Variants in LRP5 observed in about 807,000 individuals in gnomAD.
The protein encoded by LRP5 is low-density lipoprotein receptor-related protein 5.
LRP5 carries 62 observed loss-of-function variants against 154.1 expected under a neutral mutation model. That is an observed-to-expected ratio of 0.40 (90% CI 0.33 to 0.50). The LOEUF (loss-of-function observed/expected upper bound fraction) is 0.50, where lower values mean the gene tolerates loss of function less well. LRP5 is among the 20% of genes least tolerant of loss of function. The pLI, the probability that LRP5 is intolerant of heterozygous loss-of-function variation, is 0.55. For missense variants in LRP5, 1,915 were observed against 2,336.7 expected (o/e 0.82, Z 3.72); for synonymous variants, 966 against 1,011.5 (o/e 0.96, Z 0.85).
intron 12 of LRP5, among the ~76,000 whole-genome samples, chr11:68,415,407 C>T (rs2098661994): frequency 2.0e-5 from 3 of 152,174 alleles, no homozygotes; most frequent in African/African-American, 7.2e-5. Flanking sequence ...CACCAGTGTT[C>T]ACTACCATTA....
upstream of LRP5, among the ~76,000 whole-genome samples, chr11:68,312,321 G>T (rs1487941133): frequency 6.6e-6 from 1 of 151,960 alleles, no homozygotes; most frequent in Non-Finnish European, 1.5e-5. Flanking sequence ...AGGCTCCACA[G>T]GTGACACACC....
At chr11:68,390,813 T>C (rs1309275561) in intron 7 of LRP5, among the ~76,000 whole-genome samples, 3 of 136,980 alleles carry the variant, frequency 2.2e-5, no homozygotes, top group Non-Finnish European at 4.7e-5. Flanking sequence ...CCTGCCGCTG[T>C]GGTCGGGTTT....
chr11:68,419,094 T>C (rs1279542652), intron 13 of LRP5, among the ~76,000 whole-genome samples: 2 of 152,230 alleles, frequency 1.3e-5, no homozygotes, highest in Non-Finnish European at 1.5e-5. Flanking sequence ...GCTTTGATTC[T>C]TTATTAGGAG....
chr11:68,377,535 C>T (rs888482095), intron 5 of LRP5, among the ~76,000 whole-genome samples: 3 of 152,218 alleles, frequency 2.0e-5, no homozygotes, highest in Admixed American at 1.3e-4. Context: ...GGGTCAAATG[C>T]TGCGGTTGCG....
At chr11:68,349,330 G>A (rs1157619126) in intron 2 of LRP5, among the ~76,000 whole-genome samples, 3 of 151,998 alleles carry the variant, frequency 2.0e-5, no homozygotes, top group African/African-American at 7.3e-5. Context: ...ACCGTGCCTG[G>A]CCCATAGTTA....
Position 68,448,823 on chromosome 11 carries a change from G to A in LRP5, c.4601G>A (p.Arg1534Gln), listed in dbSNP as rs372941344. 21 of 1,606,956 alleles carry A rather than the reference G, an allele frequency of 1.3e-5. No homozygotes were observed. Among genetic ancestry groups the A allele is most frequent in the South Asian group, 3.3e-5 (3 of 91,068 alleles). ...TARPYRPYIIRGMAPPTTPCS... is the reference protein window; with the variant it reads ...TARPYRPYIIQGMAPPTTPCS... ...GTCCCTTTCAGGCCCTACATCATTCGAGGAATGGCGCCCCCGACGACGCCC... is the reference window on the plus strand; with the variant it reads ...GTCCCTTTCAGGCCCTACATCATTCAAGGAATGGCGCCCCCGACGACGCCC... The change falls in exon 23 of 23, where the codon CGA (arginine) becomes CAA (glutamine). Residue 1534 changes from arginine to glutamine, a missense_variant. Arg to Gln is a conservative substitution (Grantham distance 43). Transcript: ENST00000294304.
At chr11:68,427,871 A>G (rs2098669634) in intron 16 of LRP5, among the ~76,000 whole-genome samples, 1 of 152,086 alleles carries the variant, frequency 6.6e-6, no homozygotes, top group Non-Finnish European at 1.5e-5. Flanking sequence ...TCTTCTTCTC[A>G]TTGTCCGGGT....
At chr11:68,367,279 G>A (rs2098631622) in intron 5 of LRP5, among the ~76,000 whole-genome samples, 1 of 152,220 alleles carries the variant, frequency 6.6e-6, no homozygotes, top group Admixed American at 6.5e-5. Context: ...GACCAGGTTG[G>A]ATGAGCCCTT....
At chr11:68,309,100 A>AT (rs2098585995), upstream of LRP5, among the ~76,000 whole-genome samples, 1 of 151,296 alleles carries the variant, frequency 6.6e-6, no homozygotes, top group Non-Finnish European at 1.5e-5. Context: ...CGCCCGGCTA[A>AT]TTTTTTGTAT....
chr11:68,430,174 T>C (rs2098671117), intron 17 of LRP5, among the ~76,000 whole-genome samples: 1 of 152,156 alleles, frequency 6.6e-6, no homozygotes, highest in Non-Finnish European at 1.5e-5. Context: ...TTTGTTTTGC[T>C]TCGTTTGTTT....
At chr11:68,351,311 G>A (rs1222300983) in intron 2 of LRP5, among the ~76,000 whole-genome samples, 4 of 152,076 alleles carry the variant, frequency 2.6e-5, no homozygotes, top group Non-Finnish European at 5.9e-5. Context: ...CGGGGAGCCA[G>A]CTGACCTCCG....
chr11:68,335,556 C>G lies in LRP5; in HGVS notation c.92-12291C>G, dbSNP rs372124444. ...TAAAGCCTGGGTGACAGAGTGAGAC[C>G]CTGTCTCTAAAAAGCACCTTATTTA... On this transcript the variant is annotated intron_variant, in intron 1 of 22. Transcript: ENST00000294304. 6.2e-4 allele frequency among the ~76,000 whole-genome samples: 95 copies of G among 152,008 alleles called. 2 individuals carry two copies. In the South Asian group the frequency reaches 0.016, roughly 26 times the overall value.
chr11:68,321,709 CA>C (rs2098596875), intron 1 of LRP5, among the ~76,000 whole-genome samples: 3 of 152,320 alleles, frequency 2.0e-5, no homozygotes, highest in African/African-American at 7.2e-5. Flanking sequence ...AGCCCGATGG[CA>C]AATATAATTA....
chr11:68,438,724 G>C (rs1156671645), intron 20 of LRP5, 42 bp downstream of exon 20: 1 of 1,581,892 alleles, frequency 6.3e-7, no homozygotes, highest in African/African-American at 1.3e-5. Flanking sequence ...GGAGGCAGGA[G>C]AGTAGTCTGG....
rs143088459 is a variant in LRP5 at position 68,314,294 on chromosome 11, G to A, written c.91+1489G>A. Among the ~76,000 whole-genome samples the A allele has an allele frequency of 7.2e-3, 1,091 of 152,218 alleles. 15 individuals carry two copies. The highest frequency in any genetic ancestry group is 0.024 in the African/African-American group (1,011 of 41,538). ...ATGTTGCTGGAGTCAAATGCCTGTC[G>A]TCCATGTGGTTCGAGCCCCTGAGGA... On this transcript the variant is annotated intron_variant, in intron 1 of 22. Transcript: ENST00000294304.
At chr11:68,336,848 G>T (rs1423864446) in intron 1 of LRP5, among the ~76,000 whole-genome samples, 1 of 152,146 alleles carries the variant, frequency 6.6e-6, no homozygotes, top group Non-Finnish European at 1.5e-5. Flanking sequence ...AAGTTCAGTG[G>T]CATTAAGAAC....
chr11:68,415,601 C>T (rs10896324), intron 12 of LRP5, among the ~76,000 whole-genome samples: 89,617 of 133,768 alleles, frequency 0.67, 31,909 homozygotes, highest in South Asian at 0.82. Context: ...CAAAATTAGC[C>T]GGGCATGGTG....
In LRP5 at chr11:68,413,726, C is replaced by T. The variant is rs1477983417; in HGVS notation, c.2541C>T (p.His847=). The T allele has an allele frequency of 1.2e-6, 2 of 1,613,740 alleles. No individual in the cohort carries two copies. Among genetic ancestry groups the T allele is most frequent in the South Asian group, 2.2e-5 (2 of 91,058 alleles). The change falls in exon 12 of 23, where the codon CAC becomes CAT. Residue 847 remains histidine (H), a synonymous_variant. Coordinates refer to ENST00000294304, the MANE Select transcript of LRP5 (RefSeq NM_002335.4). This position sits in a 1 kb window ranked among gnomAD's most constrained non-coding sequence, Gnocchi z 5.1. ...TCGTGATTGCCGACGATCTCCCGCACCCGTTCGGTCTGACGCAGTACAGCG... is the reference window on the plus strand; with the variant it reads ...TCGTGATTGCCGACGATCTCCCGCATCCGTTCGGTCTGACGCAGTACAGCG... The part of the protein sequence containing the change: ...ERVVIADDLP[H]PFGLTQYSDY...
intron 8 of LRP5, chr11:68,404,421 G>C (rs2153163492): frequency 2.0e-6 from 1 of 506,122 alleles, no homozygotes; most frequent in East Asian, 4.5e-5. Context: ...TCCTGGGTGA[G>C]ATGCCCGGGT....
Sources: gnomAD v4.1 joint callset for allele counts (sites outside exome capture counted in the v4.1 genomes callset) on GRCh38, gnomAD v4.1.1 for gene constraint, Gnocchi (gnomAD v3.1) non-coding constraint, MANE v1.5 for transcripts, NCBI Gene and HGNC (gene_info 2026-07-23, HGNC 2026-07-21) for gene names.